PRTG: variants seen among roughly 807,000 people sequenced by gnomAD.
PRTG encodes protogenin.
Under a neutral mutation model 122.5 loss-of-function variants are expected in PRTG, and 67 were observed. The observed-to-expected ratio is 0.55, with a 90% confidence interval of 0.45 to 0.67. The LOEUF (loss-of-function observed/expected upper bound fraction) is 0.67. PRTG is among the 30% of genes least tolerant of loss of function. The pLI, the probability that PRTG is intolerant of heterozygous loss-of-function variation, is 0.00. For missense variants in PRTG, 1,435 were observed against 1,415.4 expected, an observed-to-expected ratio of 1.01 and a Z score of -0.22; for synonymous variants, 554 against 501.1, an observed-to-expected ratio of 1.11 and a Z score of -1.41.
At position 55,611,889 on chromosome 15, in the gene PRTG, T is replaced by C. The variant is rs1421875686; in HGVS notation, c.*8123A>G. 6.6e-6 allele frequency: 1 copy of C among 152,086 alleles called. No individual in the cohort carries two copies. The highest frequency in any genetic ancestry group is 1.5e-5 in the Non-Finnish European group (1 of 67,968). 9.4% of individuals were successfully genotyped at this position (152,086 alleles called of 1,614,324 possible). On this transcript the variant is annotated 3_prime_UTR_variant, in exon 20 of 20. Transcript: ENST00000389286. ...TAATATAGCTCAGCTCTACAGTCCA[T>C]TAGCAAGTCTACAAATGCTGCCCTT...
intron 2 of PRTG, chr15:55,703,041 G>T: frequency 1.9e-6 from 1 of 534,632 alleles, no homozygotes; most frequent in Non-Finnish European, 2.4e-6. Flanking sequence ...TCAGAATTTG[G>T]TCCTAGAACC....
chr15:55,731,575 C>T (rs6493812), intron 2 of PRTG, among the ~76,000 whole-genome samples: 133,170 of 151,482 alleles, frequency 0.88, 59,906 homozygotes, highest in Non-Finnish European at 0.97. Flanking sequence ...TTCACCATGT[C>T]GGTCAGGCTG....
intron 2 of PRTG, among the ~76,000 whole-genome samples, chr15:55,684,632 T>C (rs1413390365): frequency 1.3e-5 from 2 of 152,136 alleles, no homozygotes; most frequent in Non-Finnish European, 2.9e-5. Context: ...TCAGGATGGA[T>C]AGAATAAAGG....
chr15:55,647,172 T>A (rs1448458523), intron 11 of PRTG, among the ~76,000 whole-genome samples: 2 of 151,724 alleles, frequency 1.3e-5, no homozygotes, highest in Non-Finnish European at 2.9e-5. Context: ...CCTAGCTACT[T>A]GGGAAGCTGA....
chr15:55,658,374 G>C (rs1349179322), intron 11 of PRTG, among the ~76,000 whole-genome samples: 1 of 150,834 alleles, frequency 6.6e-6, no homozygotes, highest in African/African-American at 2.4e-5. Flanking sequence ...GGAGTGTAGT[G>C]GCATGATCTT....
At chr15:55,711,703 T>C (rs185056840) in intron 2 of PRTG, among the ~76,000 whole-genome samples, 2 of 150,890 alleles carry the variant, frequency 1.3e-5, no homozygotes, top group Admixed American at 6.6e-5. Flanking sequence ...TATCAGCTGA[T>C]TGTATACACA....
In PRTG at chr15:55,620,016, A is replaced by C. The variant is rs1358568162; in HGVS notation, c.3449T>G (p.Leu1150Arg). The change falls in exon 20 of 20, where the codon CTC becomes CGC. Residue 1150 changes from leucine (L) to arginine (R), a missense_variant. Physicochemically the swap from Leu to Arg is moderately radical, Grantham distance 102. Transcript: ENST00000389286. ...GAATCACTGCCAGTGAAAGAATCAG[A>C]GGTTGGGGGGTGTGGTACTTATAAC... ...SSVISTTPPN[L>R] The C allele has an allele frequency of 6.2e-7, 1 of 1,614,004 alleles. No individual in the cohort carries two copies. The highest frequency in any genetic ancestry group is 2.2e-5 in the East Asian group (1 of 44,882).
rs186914710 is a variant in PRTG at position 55,621,386 on chromosome 15, G to A, written c.3094-619C>T. On this transcript the variant is annotated intron_variant, in intron 18 of 19. Transcript: ENST00000389286. ...AAACAAAACAAAATAGGCCAGGTAC[G>A]GTGGCTCACGCCTGTAATCCCAGTA... 3.2e-3 allele frequency among the ~76,000 whole-genome samples: 475 copies of A among 150,304 alleles called. 3 individuals are homozygous for A. The highest frequency in any genetic ancestry group is 0.01 in the African/African-American group (421 of 40,800).
intron 2 of PRTG, among the ~76,000 whole-genome samples, chr15:55,702,110 G>T (rs1049831127): frequency 1.3e-5 from 2 of 152,008 alleles, no homozygotes; most frequent in Non-Finnish European, 2.9e-5. Context: ...TTTCAAGAAG[G>T]CTATACTTCT....
intron 2 of PRTG, among the ~76,000 whole-genome samples, chr15:55,716,830 C>T (rs2030617677): frequency 6.6e-6 from 1 of 152,130 alleles, no homozygotes; most frequent in Non-Finnish European, 1.5e-5. Context: ...ATGTATCACA[C>T]ATACATGTGT....
chr15:55,630,238 G>A (rs940412343), intron 15 of PRTG, among the ~76,000 whole-genome samples: 3 of 152,008 alleles, frequency 2.0e-5, no homozygotes, highest in Admixed American at 6.6e-5. Flanking sequence ...TGCCCGCCTC[G>A]GCCTCCCAAA....
chr15:55,688,099 C>T (rs758872648), intron 2 of PRTG, among the ~76,000 whole-genome samples: 2 of 152,240 alleles, frequency 1.3e-5, no homozygotes, highest in Non-Finnish European at 2.9e-5. Flanking sequence ...CTTTACATCA[C>T]GTTACGTGAT....
Position 55,650,130 on chromosome 15 carries a change from T to C in PRTG, c.2042-8922A>G, listed in dbSNP as rs117034965. ...CTTAGATTAACACGCTGTGTGGCTATGAAAGTTGCTCAGTCTGGTGGAGTT... is the reference window on the plus strand; with the variant it reads ...CTTAGATTAACACGCTGTGTGGCTACGAAAGTTGCTCAGTCTGGTGGAGTT... On this transcript the variant is annotated intron_variant, in intron 11 of 19. Transcript: ENST00000389286. Among the ~76,000 whole-genome samples, 1,244 of 152,316 alleles carry C rather than the reference T, an allele frequency of 8.2e-3. 12 individuals are homozygous for C. In the Middle Eastern group the frequency reaches 0.092, roughly 11 times the overall value.
intron 2 of PRTG, among the ~76,000 whole-genome samples, chr15:55,689,602 C>T (rs928524605): frequency 4.7e-5 from 7 of 148,402 alleles, no homozygotes; most frequent in African/African-American, 7.5e-5. Context: ...CAAACCTACA[C>T]GTTGTGCACA....
In PRTG at chr15:55,614,110, T is replaced by C. The variant is rs1258494230; in HGVS notation, c.*5902A>G. 2 of 152,020 alleles carry C rather than the reference T, an allele frequency of 1.3e-5. No individual in the cohort carries two copies. Among genetic ancestry groups the C allele is most frequent in the East Asian group, 3.9e-4 (2 of 5,188 alleles). The allele number at this position is 152,020 out of a possible 1,614,324, so 9.4% of individuals were successfully genotyped here. On this transcript the variant is annotated 3_prime_UTR_variant, in exon 20 of 20. Transcript: ENST00000389286. Reference sequence around the variant, plus strand: ...CTCATAATGGAGACAGCTTTATCGATTTAGTTGAAGAAATGCTGAAAATTG... The same window carrying C: ...CTCATAATGGAGACAGCTTTATCGACTTAGTTGAAGAAATGCTGAAAATTG...
chr15:55,631,269 T>C (rs374809694), intron 15 of PRTG, among the ~76,000 whole-genome samples: 19 of 152,328 alleles, frequency 1.2e-4, no homozygotes, highest in African/African-American at 4.1e-4. Context: ...CATGTTACAC[T>C]TAGCTGAAAG....
intron 2 of PRTG, among the ~76,000 whole-genome samples, chr15:55,714,382 A>AC (rs530072374): frequency 1.5e-4 from 21 of 144,176 alleles, no homozygotes; most frequent in African/African-American, 4.5e-4. Flanking sequence ...GTGCACCCCC[A>AC]CCCCCCCGCT....
At chr15:55,635,733 A>G (rs74017543) in intron 15 of PRTG, among the ~76,000 whole-genome samples, 4,052 of 152,286 alleles carry the variant, frequency 0.027, 178 homozygotes, top group African/African-American at 0.092. Flanking sequence ...TTTAAAACTC[A>G]TAAGAGTTTT....
In PRTG at chr15:55,682,345, A is replaced by C; in HGVS notation, c.676+19T>G. 6.5e-7 allele frequency: 1 copy of C among 1,550,160 alleles called. No individual in the cohort carries two copies. On this transcript the variant is annotated intron_variant, in intron 4 of 19. Transcript: ENST00000389286. Reference sequence around the variant, plus strand: ...CCAATAAAACGTCATAAAAATGGAAAAACCACTCTGCGTGGTACCTGGAAT... The same window carrying C: ...CCAATAAAACGTCATAAAAATGGAACAACCACTCTGCGTGGTACCTGGAAT...
Sources: allele counts gnomAD v4.1 joint callset (sites outside exome capture counted in the v4.1 genomes callset), GRCh38; gene constraint gnomAD v4.1.1; transcripts MANE v1.5; gene names NCBI Gene and HGNC (gene_info 2026-07-23, HGNC 2026-07-21).